Variants in PAGE2B observed in about 807,000 individuals in gnomAD.
The protein encoded by PAGE2B is PAGE family member 2B.
Under a neutral mutation model 7.6 loss-of-function variants are expected in PAGE2B, and 5 were observed. The observed-to-expected ratio is 0.66, with a 90% confidence interval of 0.34 to 1.38. The LOEUF is 1.38. Among genes scored for constraint, PAGE2B ranks in the 40% most tolerant of loss-of-function variants. The pLI is 0.04. For synonymous variants in PAGE2B, 29 were observed against 26.7 expected (o/e 1.09, Z -0.27); for missense variants, 70 against 78.4 (o/e 0.89, Z 0.41).
At chrX:55,054,158 G>A in the PAGE2B span, among the ~76,000 whole-genome samples, 10 of 110,336 alleles carry the variant, frequency 9.1e-5, no homozygotes, top group African/African-American at 2.0e-4. Context: ...GCAGTGAGCC[G>A]AAATCATGCC....
chrX:55,044,632 A>T, the PAGE2B span: 2 of 111,659 alleles, frequency 1.8e-5, no homozygotes, highest in African/African-American at 6.5e-5. Flanking sequence ...TGGTGTAACA[A>T]GGAGTAAGAA....
chrX:55,030,422 C>G, the PAGE2B span, among the ~76,000 whole-genome samples: 4 of 111,705 alleles, frequency 3.6e-5, no homozygotes, highest in East Asian at 8.5e-4. Context: ...GCTCTTCCCC[C>G]ACCCCTAGGC....
In PAGE2B at chrX:55,077,263, T is replaced by A; in HGVS notation, c.194-136T>A. Reference sequence around the variant, plus strand: ...ATGTTTGAACATCTCTGCTTTCCTGTTTTCCTGGCAGCAGATTCCTGAAAT... The same window carrying A: ...ATGTTTGAACATCTCTGCTTTCCTGATTTCCTGGCAGCAGATTCCTGAAAT... On this transcript the variant is annotated intron_variant, in intron 3 of 4. Coordinates refer to ENST00000374971, the MANE Select transcript of PAGE2B (RefSeq NM_001015038.3). 4.7e-6 allele frequency: 5 copies of A among 1,061,972 alleles called. No homozygotes were observed. In the South Asian group the frequency reaches 1.2e-4, roughly 25 times the overall value. The allele number at this position is 1,061,972 out of a possible 1,213,427, so 87.5% of individuals were successfully genotyped here.
the PAGE2B span, among the ~76,000 whole-genome samples, chrX:55,058,350 T>G: frequency 5.4e-3 from 595 of 111,094 alleles, 1 homozygote; most frequent in African/African-American, 0.018. Context: ...TGTTTGTAGA[T>G]GGGGCATAAA....
the PAGE2B span, among the ~76,000 whole-genome samples, chrX:55,040,311 C>T: frequency 5.5e-5 from 6 of 108,591 alleles, no homozygotes; most frequent in South Asian, 4.1e-4. Context: ...CCACGACAGG[C>T]CCCGGGGTGT....
At chrX:55,050,935 A>G in the PAGE2B span, among the ~76,000 whole-genome samples, 73 of 111,596 alleles carry the variant, frequency 6.5e-4, 1 homozygote, top group Non-Finnish European at 3.0e-4. Flanking sequence ...ATGTTTTTGC[A>G]TTGGCTGGTA....
the PAGE2B span, among the ~76,000 whole-genome samples, chrX:55,061,998 T>C: frequency 8.9e-6 from 1 of 111,907 alleles, no homozygotes; most frequent in East Asian, 2.8e-4. Flanking sequence ...ATTCATATGT[T>C]GATGGACACT....
the PAGE2B span, chrX:55,054,881 T>A: frequency 9.0e-6 from 1 of 111,651 alleles, no homozygotes; most frequent in South Asian, 3.8e-4. Context: ...TGTGCAAAAA[T>A]CTTGATAATC....
At chrX:55,050,062 T>C in the PAGE2B span, among the ~76,000 whole-genome samples, 2 of 112,568 alleles carry the variant, frequency 1.8e-5, no homozygotes, top group Non-Finnish European at 3.7e-5. Context: ...CATTTCGTTA[T>C]GTACCCAGTA....
At chrX:55,037,103 G>A in the PAGE2B span, among the ~76,000 whole-genome samples, 9 of 110,504 alleles carry the variant, frequency 8.1e-5, no homozygotes, top group East Asian at 2.8e-4. Context: ...CTACCATCAG[G>A]GCGAACAGGC....
At chrX:55,041,244 G>A in the PAGE2B span, among the ~76,000 whole-genome samples, 1 of 108,240 alleles carries the variant, frequency 9.2e-6, no homozygotes, top group Non-Finnish European at 1.9e-5. Flanking sequence ...ACCATGCCCG[G>A]CTAATTTTTT....
At chrX:55,065,456 G>A in the PAGE2B span, among the ~76,000 whole-genome samples, 1 of 111,034 alleles carries the variant, frequency 9.0e-6, no homozygotes, top group African/African-American at 3.3e-5. Flanking sequence ...AGGTAAAGTG[G>A]GCACCAGATC....
chrX:55,034,205 C>T, the PAGE2B span, among the ~76,000 whole-genome samples: 1 of 111,685 alleles, frequency 9.0e-6, no homozygotes, highest in African/African-American at 3.3e-5. Flanking sequence ...CAGAGAGTAG[C>T]ATGATAGCTA....
At chrX:55,038,010 C>G in the PAGE2B span, among the ~76,000 whole-genome samples, 3 of 108,487 alleles carry the variant, frequency 2.8e-5, no homozygotes, top group Non-Finnish European at 5.7e-5. Flanking sequence ...ATGTAACAAA[C>G]CTGCACATTG....
the PAGE2B span, among the ~76,000 whole-genome samples, chrX:55,040,654 G>A: frequency 3.6e-5 from 4 of 111,033 alleles, no homozygotes; most frequent in African/African-American, 6.6e-5. Flanking sequence ...GGGGCGGGGC[G>A]GTGGGGAGAA....
chrX:55,065,512 A>G, the PAGE2B span, among the ~76,000 whole-genome samples: 1 of 110,801 alleles, frequency 9.0e-6, no homozygotes, highest in Non-Finnish European at 1.9e-5. Context: ...GTGCCTTTTG[A>G]TTAGAAAGTT....
the PAGE2B span, among the ~76,000 whole-genome samples, chrX:55,057,918 T>C: frequency 9.0e-6 from 1 of 111,570 alleles, no homozygotes; most frequent in Non-Finnish European, 1.9e-5. Context: ...GTATGACGGG[T>C]TTTAGACTTG....
At chrX:55,050,247 A>G in the PAGE2B span, among the ~76,000 whole-genome samples, 1 of 111,560 alleles carries the variant, frequency 9.0e-6, no homozygotes, top group African/African-American at 3.3e-5. Context: ...CAATTTTGGA[A>G]TAGGTGTGGT....
the PAGE2B span, among the ~76,000 whole-genome samples, chrX:55,040,585 C>T: frequency 3.6e-5 from 4 of 110,987 alleles, no homozygotes; most frequent in Non-Finnish European, 7.5e-5. Context: ...ATTCCACTTA[C>T]ATAAGTTAGG....
Sources: allele counts gnomAD v4.1 joint callset (sites outside exome capture counted in the v4.1 genomes callset), GRCh38; gene constraint gnomAD v4.1.1; transcripts MANE v1.5; gene names NCBI Gene and HGNC (gene_info 2026-07-23, HGNC 2026-07-21).